MPP2: variants seen among roughly 807,000 people sequenced by gnomAD.
MPP2 encodes the protein MAGUK p55 subfamily member 2.
Under a neutral mutation model 58.5 loss-of-function variants are expected in MPP2, and 42 were observed. That is an observed-to-expected ratio of 0.72 (90% CI 0.56 to 0.93). MPP2 has a LOEUF of 0.93. Among genes scored for constraint, MPP2 ranks in the 40% least tolerant of loss-of-function variants. The pLI is 0.00. For missense variants in MPP2, 632 were observed against 760.4 expected (o/e 0.83, Z 1.99); for synonymous variants, 300 against 307.8 (o/e 0.97, Z 0.26).
At chr17:43,884,630 G>A (rs2047288186) in intron 3 of MPP2, among the ~76,000 whole-genome samples, 3 of 152,190 alleles carry the variant, frequency 2.0e-5, no homozygotes, top group South Asian at 2.1e-4. Flanking sequence ...AGAGTTCTAC[G>A]TAGGTGATCT....
Position 43,881,409 on chromosome 17 carries a change from C to T in MPP2, c.813+49G>A, listed in dbSNP as rs777499053. The T allele has an allele frequency of 2.9e-5, 47 of 1,613,744 alleles. No homozygotes were observed. In the African/African-American group the frequency reaches 4.7e-4, roughly 16 times the overall value. On this transcript the variant is annotated intron_variant, in intron 7 of 12. Transcript: ENST00000269095. Reference sequence around the variant, plus strand: ...AAGAGGACCCCTCCCTGTGCCCTCGCCCTCCCATGCACCATACCTGGAGAG... The same window carrying T: ...AAGAGGACCCCTCCCTGTGCCCTCGTCCTCCCATGCACCATACCTGGAGAG...
chr17:43,900,685 G>C, intron 2 of MPP2: 2 of 1,400,266 alleles, frequency 1.4e-6, no homozygotes, highest in Non-Finnish European at 1.9e-6. Flanking sequence ...CAATGGGAAG[G>C]CTCAGCCGCC....
chr17:43,892,699 T>C (rs2047657299), intron 3 of MPP2, among the ~76,000 whole-genome samples: 2 of 152,154 alleles, frequency 1.3e-5, no homozygotes, highest in Non-Finnish European at 2.9e-5. Context: ...CTCTCTTCTA[T>C]TGTGCTCTAC....
At chr17:43,883,079 C>A (rs1403313139) in intron 4 of MPP2, 27 bp from the exon 5 acceptor site, 1 of 1,596,658 alleles carries the variant, frequency 6.3e-7, no homozygotes, top group African/African-American at 1.3e-5. Context: ...AGAGAAGGGA[C>A]AATGGGGCAG....
At chr17:43,891,151 A>G (rs947950616) in intron 3 of MPP2, among the ~76,000 whole-genome samples, 1 of 152,100 alleles carries the variant, frequency 6.6e-6, no homozygotes, top group East Asian at 1.9e-4. Flanking sequence ...CTTCCACCCT[A>G]GCCTCCCCAC....
At chr17:43,886,878 T>C (rs1050243962) in intron 3 of MPP2, among the ~76,000 whole-genome samples, 1 of 152,212 alleles carries the variant, frequency 6.6e-6, no homozygotes, top group African/African-American at 2.4e-5. Context: ...CTGTGAACTG[T>C]CTACTCATGT....
chr17:43,890,918 C>T (rs142267598), intron 3 of MPP2, among the ~76,000 whole-genome samples: 2 of 152,300 alleles, frequency 1.3e-5, no homozygotes, highest in East Asian at 3.9e-4. Context: ...TAAGCAAGCC[C>T]AGGCCAGAAG....
At position 43,879,894 on chromosome 17, in the gene MPP2, C is replaced by G; in HGVS notation, c.1241G>C (p.Gly414Ala). Reference protein sequence around the residue: ...RGEMEADVRAGRYLEHGEYEG... With the variant: ...RGEMEADVRAARYLEHGEYEG... ...GTATTCGCCATGCTCCAGGTAGCGC[C>G]CAGCACGGACGTCAGCCTCCATCTC... The change falls in exon 11 of 13, where the codon GGG (glycine) becomes GCG (alanine). Residue 414 changes from glycine to alanine, a missense_variant. Transcript: ENST00000269095. The surrounding 1 kb of genome is among the most constrained non-coding windows in gnomAD (Gnocchi z 4.1). 6 of 1,614,046 alleles carry G rather than the reference C, an allele frequency of 3.7e-6. No homozygotes were observed. The highest frequency in any genetic ancestry group is 5.1e-6 in the Non-Finnish European group (6 of 1,179,990).
rs772348531 is a variant in MPP2, at chr17:43,877,680, G to A, written c.*127C>T. On this transcript the variant is annotated 3_prime_UTR_variant, in exon 13 of 13. Transcript: ENST00000269095. ...TGAAGCCAGACTTAGGGCCTGCTGG[G>A]AGCTGTTACCCAAGGACAGCCAGAT... The A allele has an allele frequency of 1.1e-4, 92 of 812,114 alleles. No individual in the cohort carries two copies. The highest frequency in any genetic ancestry group is 1.5e-4 in the Non-Finnish European group (75 of 492,944). 50.3% of individuals were successfully genotyped at this position (812,114 alleles called of 1,614,324 possible).
Position 43,880,547 on chromosome 17 carries a change from C to T in MPP2, c.1150+144G>A. On this transcript the variant is annotated intron_variant, in intron 10 of 12. Coordinates refer to ENST00000269095, the MANE Select transcript of MPP2 (RefSeq NM_005374.5). The surrounding 1 kb of genome is among the most constrained non-coding windows in gnomAD (Gnocchi z 5.2). ...AGCCTGAAGTTCCCCTAACCACCCA[C>T]AGAGGGCGTGCACCCCAACCCGTGT... The T allele has an allele frequency of 1.1e-6, 1 of 899,626 alleles. No homozygotes were observed. The highest frequency in any genetic ancestry group is 1.6e-6 in the Non-Finnish European group (1 of 633,720). 55.7% of individuals were successfully genotyped at this position (899,626 alleles called of 1,614,324 possible).
intron 2 of MPP2, among the ~76,000 whole-genome samples, chr17:43,904,036 G>A (rs231486): frequency 0.43 from 65,779 of 151,934 alleles, 14,978 homozygotes; most frequent in East Asian, 0.67. Context: ...TCAGCCCCAG[G>A]CTGTGCTGCT....
chr17:43,878,649 C>T (rs931342770), intron 12 of MPP2, among the ~76,000 whole-genome samples: 2 of 152,216 alleles, frequency 1.3e-5, no homozygotes, highest in Admixed American at 6.5e-5. Context: ...GCCTAGACAG[C>T]CTCTCCTGGG....
At chr17:43,905,014 A>C (rs1268166268) in intron 1 of MPP2, among the ~76,000 whole-genome samples, 6 of 151,848 alleles carry the variant, frequency 4.0e-5, no homozygotes, top group African/African-American at 7.3e-5. Flanking sequence ...CCATCTCTAC[A>C]AAAAAATTAA....
intron 3 of MPP2, among the ~76,000 whole-genome samples, chr17:43,886,957 A>G (rs66527684): frequency 0.052 from 7,932 of 151,218 alleles, 747 homozygotes; most frequent in African/African-American, 0.18. Context: ...TTTTCTCTCT[A>G]TTGGGAAAAT....
intron 3 of MPP2, among the ~76,000 whole-genome samples, chr17:43,884,636 G>A (rs1468172652): frequency 6.6e-6 from 1 of 152,194 alleles, no homozygotes; most frequent in Non-Finnish European, 1.5e-5. Context: ...CTACGTAGGT[G>A]ATCTTGTGTC....
chr17:43,879,235 G>C lies in MPP2; in HGVS notation c.1482+40C>G. The C allele has an allele frequency of 6.3e-7, 1 of 1,586,760 alleles. No individual in the cohort carries two copies. The highest frequency in any genetic ancestry group is 8.6e-7 in the Non-Finnish European group (1 of 1,161,292). ...TCAGGCCTGTCCCCCACCACCCTAG[G>C]CAGCTATCAGACCCCTCCCCCACAC... On this transcript the variant is annotated intron_variant, in intron 12 of 12. Coordinates refer to ENST00000269095, the MANE Select transcript of MPP2 (RefSeq NM_005374.5). This position sits in a 1 kb window ranked among gnomAD's most constrained non-coding sequence, Gnocchi z 4.1.
At chr17:43,905,117 C>T (rs1047337025) in intron 1 of MPP2, among the ~76,000 whole-genome samples, 8 of 151,484 alleles carry the variant, frequency 5.3e-5, no homozygotes, top group African/African-American at 1.7e-4. Flanking sequence ...GTCGAGGCTA[C>T]GGTAAGCCAT....
intron 1 of MPP2, among the ~76,000 whole-genome samples, chr17:43,905,000 AC>A (rs2048234265): frequency 6.6e-6 from 1 of 151,690 alleles, no homozygotes. Context: ...ACATGGCGAG[AC>A]CCCCATCTCT....
chr17:43,891,790 A>G (rs912565489), intron 3 of MPP2, among the ~76,000 whole-genome samples: 30 of 152,202 alleles, frequency 2.0e-4, no homozygotes, highest in African/African-American at 7.2e-4. Flanking sequence ...ATAAGAAATA[A>G]CTGAAGTTCA....
Sources: gnomAD v4.1 joint callset for allele counts (sites outside exome capture counted in the v4.1 genomes callset) on GRCh38, gnomAD v4.1.1 for gene constraint, Gnocchi (gnomAD v3.1) non-coding constraint, MANE v1.5 for transcripts, NCBI Gene and HGNC (gene_info 2026-07-23, HGNC 2026-07-21) for gene names.